Variants in TRIM62 observed in about 807,000 individuals in gnomAD.
The protein encoded by TRIM62 is tripartite motif containing 62, also known as E3 ubiquitin-protein ligase TRIM62.
In TRIM62, 39 loss-of-function variants were observed where a neutral mutation model predicts 44.2. That is an observed-to-expected ratio of 0.88 (90% CI 0.68 to 1.15). The LOEUF (loss-of-function observed/expected upper bound fraction) is 1.15. Ranked by LOEUF, TRIM62 falls within the 50% of genes most tolerant of loss-of-function variation. TRIM62 has a pLI of 0.00. For missense variants in TRIM62, 544 were observed against 665.5 expected (o/e 0.82, Z 2.01); for synonymous variants, 278 against 292.3 (o/e 0.95, Z 0.50).
intron 1 of TRIM62, among the ~76,000 whole-genome samples, chr1:33,171,620 G>A (rs756512809): frequency 6.6e-6 from 1 of 152,156 alleles, no homozygotes; most frequent in Non-Finnish European, 1.5e-5. Context: ...TGAAAAATTT[G>A]CAGTTAGTCG....
At position 33,165,884 on chromosome 1, in the gene TRIM62, T is replaced by G. The variant is rs1645323597; in HGVS notation, c.409-318A>C. 1 of 210,214 alleles carries G rather than the reference T, an allele frequency of 4.8e-6. No homozygotes were observed. Among genetic ancestry groups the G allele is most frequent in the African/African-American group, 2.3e-5 (1 of 43,570 alleles). 13.0% of individuals were successfully genotyped at this position (210,214 alleles called of 1,614,324 possible). ...TTGGCCCTGGATCCCCGCTTAGAATTAAGGCAGGGGTCTCCAACCCCCAGG... is the reference window on the plus strand; with the variant it reads ...TTGGCCCTGGATCCCCGCTTAGAATGAAGGCAGGGGTCTCCAACCCCCAGG... On this transcript the variant is annotated intron_variant, in intron 1 of 4. Transcript: ENST00000291416. This position sits in a 1 kb window ranked among gnomAD's most constrained non-coding sequence, Gnocchi z 4.0.
chr1:33,151,600 C>T (rs148573409), intron 4 of TRIM62, among the ~76,000 whole-genome samples: 135 of 152,184 alleles, frequency 8.9e-4, no homozygotes, highest in African/African-American at 3.1e-3. Flanking sequence ...CCCAGCAAAA[C>T]AAGCGCAGTC....
intron 2 of TRIM62, among the ~76,000 whole-genome samples, chr1:33,162,442 T>G (rs1645280869): frequency 6.6e-6 from 1 of 152,226 alleles, no homozygotes; most frequent in African/African-American, 2.4e-5. Flanking sequence ...ACAGTCTTAA[T>G]ACATTGTCCC....
In TRIM62 at chr1:33,145,742, G is replaced by T; in HGVS notation, c.*1435C>A. ...CAGTTCCCACCTCTGGGCAGGGATA[G>T]AGCCAAGGGGCAGGACAACCCTAGA... On this transcript the variant is annotated 3_prime_UTR_variant, in exon 5 of 5. Coordinates refer to ENST00000291416, the MANE Select transcript of TRIM62 (RefSeq NM_018207.3). 1 of 400,070 alleles carries T rather than the reference G, an allele frequency of 2.5e-6. No individual in the cohort carries two copies. The allele number at this position is 400,070 out of a possible 1,614,324, so 24.8% of individuals were successfully genotyped here. A position where few individuals can be genotyped will look rare whatever the true frequency, so the allele number is the denominator to read the frequency against.
At chr1:33,180,955 A>AC in intron 1 of TRIM62, 70 bp downstream of exon 1, 4 of 386,028 alleles carry the variant, frequency 1.0e-5, no homozygotes, top group Middle Eastern at 8.2e-4. Context: ...TCCAGCCCTG[A>AC]CCCCACCCCC....
chr1:33,146,978 T>C lies in TRIM62; in HGVS notation c.*199A>G, dbSNP rs1645028152. ...GCTGTATCCCTATCAAGGTCAGAGC[T>C]ACAGAACATCGATGCTGGAAGAGAG... On this transcript the variant is annotated 3_prime_UTR_variant, in exon 5 of 5. Coordinates refer to ENST00000291416, the MANE Select transcript of TRIM62 (RefSeq NM_018207.3). 2 of 619,760 alleles carry C rather than the reference T, an allele frequency of 3.2e-6. No homozygotes were observed. The highest frequency in any genetic ancestry group is 4.0e-5 in the South Asian group (2 of 50,150). 38.4% of individuals were successfully genotyped at this position (619,760 alleles called of 1,614,324 possible).
In TRIM62 at chr1:33,167,537, G is replaced by A. The variant is rs550822363; in HGVS notation, c.409-1971C>T. Reference sequence around the variant, plus strand: ...TATTGGCCCACAAGTCCTCCAGGGTGGCTCCTACTGCTCCCTCTCCATATA... The same window carrying A: ...TATTGGCCCACAAGTCCTCCAGGGTAGCTCCTACTGCTCCCTCTCCATATA... On this transcript the variant is annotated intron_variant, in intron 1 of 4. Transcript: ENST00000291416. This position sits in a 1 kb window ranked among gnomAD's most constrained non-coding sequence, Gnocchi z 4.2. Among the ~76,000 whole-genome samples, 4 of 152,210 alleles carry A rather than the reference G, an allele frequency of 2.6e-5. No individual in the cohort carries two copies. The highest frequency in any genetic ancestry group is 5.9e-5 in the Non-Finnish European group (4 of 68,044).
chr1:33,163,394 CTG>C (rs1391631968), intron 2 of TRIM62: 1 of 152,134 alleles, frequency 6.6e-6, no homozygotes, highest in Non-Finnish European at 1.5e-5. Context: ...GTGCCAGACA[CTG>C]TGCTAGGTTT....
intron 2 of TRIM62, among the ~76,000 whole-genome samples, chr1:33,162,614 C>T (rs1175817559): frequency 1.3e-5 from 2 of 152,130 alleles, no homozygotes; most frequent in African/African-American, 2.4e-5. Context: ...GAGATTGCTC[C>T]GTAGAGCTGG....
chr1:33,155,749 AG>A (rs1645169464), intron 4 of TRIM62, among the ~76,000 whole-genome samples: 1 of 152,210 alleles, frequency 6.6e-6, no homozygotes, highest in Non-Finnish European at 1.5e-5. Flanking sequence ...TCTCCTCTAA[AG>A]GACATCGTGC....
In TRIM62 at chr1:33,181,087, C is replaced by T. The variant is rs773834583; in HGVS notation, c.346G>A (p.Glu116Lys). Residue 116 changes from glutamate (E) to lysine (K), a missense_variant, in exon 1 of 5, where the codon GAG becomes AAG. Glu to Lys is a moderately conservative substitution (Grantham distance 56). Transcript: ENST00000291416. This position sits in a 1 kb window ranked among gnomAD's most constrained non-coding sequence, Gnocchi z 6.5. The part of the protein sequence containing the change: ...DRALLCFFCD[E>K]PALHEQHQVT... ...TGATGCTGCTCGTGCAGTGCAGGCT[C>T]GTCGCAGAAGAAGCAGAGAAGCGCG... 8.8e-6 allele frequency: 14 copies of T among 1,599,716 alleles called. No homozygotes were observed. Among genetic ancestry groups the T allele is most frequent in the Admixed American group, 1.7e-5 (1 of 59,776 alleles).
At position 33,165,636 on chromosome 1, in the gene TRIM62, G is replaced by T; in HGVS notation, c.409-70C>A. The T allele has an allele frequency of 7.3e-7, 1 of 1,363,602 alleles. No individual in the cohort carries two copies. Among genetic ancestry groups the T allele is most frequent in the Non-Finnish European group, 9.9e-7 (1 of 1,010,818 alleles). The allele number at this position is 1,363,602 out of a possible 1,614,324, so 84.5% of individuals were successfully genotyped here. On this transcript the variant is annotated intron_variant, in intron 1 of 4. Coordinates refer to ENST00000291416, the MANE Select transcript of TRIM62 (RefSeq NM_018207.3). This position sits in a 1 kb window ranked among gnomAD's most constrained non-coding sequence, Gnocchi z 4.0. ...GCCCAGGCATTCAGCCCTGACCACTGCCAGGCGCTGGGGGTTAGCCTGGTC... is the reference window on the plus strand; with the variant it reads ...GCCCAGGCATTCAGCCCTGACCACTTCCAGGCGCTGGGGGTTAGCCTGGTC...
At chr1:33,174,939 A>ATG (rs200793844) in intron 1 of TRIM62, among the ~76,000 whole-genome samples, 1,068 of 32,574 alleles carry the variant, frequency 0.033, 10 homozygotes, top group African/African-American at 0.07. Flanking sequence ...ACATACATAT[A>ATG]TGTGTGTATA....
intron 4 of TRIM62, among the ~76,000 whole-genome samples, chr1:33,156,285 C>T (rs1332511006): frequency 1.3e-5 from 2 of 152,210 alleles, no homozygotes; most frequent in Non-Finnish European, 2.9e-5. Context: ...TTGAAAACTC[C>T]TTTAAAGCAT....
At position 33,181,283 on chromosome 1, in the gene TRIM62, G is replaced by A. The variant is rs760385051; in HGVS notation, c.150C>T (p.Cys50=). The change falls in exon 1 of 5, where the codon TGC becomes TGT. Residue 50 remains cysteine, a synonymous_variant. Coordinates refer to ENST00000291416, the MANE Select transcript of TRIM62 (RefSeq NM_018207.3). The surrounding 1 kb of genome is among the most constrained non-coding windows in gnomAD (Gnocchi z 6.5). ...VRQEAQGARD[C]PECRRTFAEP... is the part of the protein sequence containing the mutation. Reference sequence around the variant, plus strand: ...CGGCGAACGTGCGCCGGCACTCGGGGCAGTCGCGGGCGCCCTGCGCCTCCT... The same window carrying A: ...CGGCGAACGTGCGCCGGCACTCGGGACAGTCGCGGGCGCCCTGCGCCTCCT... 1 of 1,550,114 alleles carries A rather than the reference G, an allele frequency of 6.5e-7. No individual in the cohort carries two copies. Among genetic ancestry groups the A allele is most frequent in the Non-Finnish European group, 8.7e-7 (1 of 1,153,296 alleles).
In TRIM62 at chr1:33,159,640, C is replaced by A; in HGVS notation, c.761+48G>T. 1.3e-6 allele frequency: 2 copies of A among 1,572,564 alleles called. No homozygotes were observed. Among genetic ancestry groups the A allele is most frequent in the South Asian group, 2.3e-5 (2 of 87,682 alleles). On this transcript the variant is annotated intron_variant, in intron 3 of 4. Transcript: ENST00000291416. This position sits in a 1 kb window ranked among gnomAD's most constrained non-coding sequence, Gnocchi z 4.2. Reference sequence around the variant, plus strand: ...TCCACTCCCACTGCCCAGCATGGGTCGAGGAGGGGATGGTCAGCCGGGGAG... The same window carrying A: ...TCCACTCCCACTGCCCAGCATGGGTAGAGGAGGGGATGGTCAGCCGGGGAG...
At chr1:33,173,554 C>T (rs550813151) in intron 1 of TRIM62, among the ~76,000 whole-genome samples, 2 of 152,258 alleles carry the variant, frequency 1.3e-5, no homozygotes, top group East Asian at 1.9e-4. Flanking sequence ...CTAGCCACAA[C>T]GAACCACCTG....
intron 2 of TRIM62, among the ~76,000 whole-genome samples, chr1:33,160,825 T>C (rs1047822591): frequency 6.6e-6 from 1 of 152,188 alleles, no homozygotes; most frequent in Non-Finnish European, 1.5e-5. Flanking sequence ...ACCTTGGTGG[T>C]TACTCGCTGT....
rs114538249 is a variant in TRIM62 at position 33,181,533 on chromosome 1, G to A, written c.-101C>T. 747 of 1,446,158 alleles carry A rather than the reference G, an allele frequency of 5.2e-4. 7 individuals are homozygous for A. The African/African-American group carries it at 1.0e-2, about 19-fold the overall frequency. 89.6% of individuals were successfully genotyped at this position (1,446,158 alleles called of 1,614,324 possible). A position where few individuals can be genotyped will look rare whatever the true frequency, so the allele number is the denominator to read the frequency against. Reference sequence around the variant, plus strand: ...CACCGAGGGCTGGGCGCGGGGACGAGGCCCGCACAGGCAGGGGTAGGAGCT... The same window carrying A: ...CACCGAGGGCTGGGCGCGGGGACGAAGCCCGCACAGGCAGGGGTAGGAGCT... On this transcript the variant is annotated 5_prime_UTR_variant, in exon 1 of 5. Transcript: ENST00000291416. The surrounding 1 kb of genome is among the most constrained non-coding windows in gnomAD (Gnocchi z 6.5).
Sources: allele counts gnomAD v4.1 joint callset (sites outside exome capture counted in the v4.1 genomes callset), GRCh38; gene constraint gnomAD v4.1.1; non-coding constraint Gnocchi (gnomAD v3.1); transcripts MANE v1.5; gene names NCBI Gene and HGNC (gene_info 2026-07-23, HGNC 2026-07-21).